Variants in PDE4B observed in about 807,000 individuals in gnomAD.
PDE4B encodes phosphodiesterase 4B.
In PDE4B, 20 loss-of-function variants were observed where a neutral mutation model predicts 82.2. That is an observed-to-expected ratio of 0.24 (90% confidence interval 0.17 to 0.35). The LOEUF (loss-of-function observed/expected upper bound fraction) is 0.35. PDE4B is among the 10% of genes least tolerant of loss of function. The probability of loss-of-function intolerance (pLI) is 1.00; values close to 1 mark genes in which losing one functional copy is unlikely to be tolerated. For synonymous variants in PDE4B, 320 were observed against 318.9 expected, an observed-to-expected ratio of 1.00 and a Z score of -0.04; for missense variants, 655 against 907.2, an observed-to-expected ratio of 0.72 and a Z score of 3.57.
intron 7 of PDE4B, among the ~76,000 whole-genome samples, chr1:66,291,271 A>G (rs1314344444): frequency 6.6e-6 from 1 of 152,122 alleles, no homozygotes; most frequent in African/African-American, 2.4e-5. Flanking sequence ...TAGGGAGGTT[A>G]AATAATTTTT....
chr1:66,166,757 AG>A (rs1363652511), intron 3 of PDE4B, among the ~76,000 whole-genome samples: 4 of 151,948 alleles, frequency 2.6e-5, no homozygotes, highest in Non-Finnish European at 4.4e-5. Flanking sequence ...AAAAAGTGAA[AG>A]GACAACCCAC....
intron 1 of PDE4B, among the ~76,000 whole-genome samples, chr1:65,904,766 A>G (rs948976351): frequency 6.6e-6 from 1 of 152,078 alleles, no homozygotes; most frequent in Admixed American, 6.6e-5. Flanking sequence ...TTCCTAGATT[A>G]GTGAGCTTAG....
intron 3 of PDE4B, among the ~76,000 whole-genome samples, chr1:66,225,047 C>T (rs145500949): frequency 1.5e-4 from 23 of 152,312 alleles, no homozygotes; most frequent in African/African-American, 3.6e-4. Context: ...GTACTCTGGA[C>T]ACCACTTCAC....
chr1:66,258,077 A>T (rs1007911505), intron 6 of PDE4B, among the ~76,000 whole-genome samples: 4 of 152,214 alleles, frequency 2.6e-5, no homozygotes, highest in Non-Finnish European at 5.9e-5. Flanking sequence ...TCGTCTTTGT[A>T]CCCATAAGAC....
chr1:66,328,998 G>A (rs1659923756), intron 7 of PDE4B, among the ~76,000 whole-genome samples: 1 of 152,180 alleles, frequency 6.6e-6, no homozygotes, highest in South Asian at 2.1e-4. Flanking sequence ...AGGGGCTTGG[G>A]GACCATGAGA....
intron 7 of PDE4B, among the ~76,000 whole-genome samples, chr1:66,328,414 C>T (rs1046356506): frequency 1.3e-5 from 2 of 152,190 alleles, no homozygotes; most frequent in African/African-American, 4.8e-5. Flanking sequence ...CTTTTCAGGG[C>T]CATCTTATGT....
intron 3 of PDE4B, among the ~76,000 whole-genome samples, chr1:65,962,784 G>T (rs944900107): frequency 6.6e-6 from 1 of 152,140 alleles, no homozygotes; most frequent in African/African-American, 2.4e-5. Context: ...TCCTGTCCTA[G>T]ATCCCAGAGA....
intron 3 of PDE4B, among the ~76,000 whole-genome samples, chr1:66,014,388 C>T (rs1331208160): frequency 3.3e-5 from 5 of 152,030 alleles, no homozygotes; most frequent in African/African-American, 9.7e-5. Flanking sequence ...TGAACCTTTT[C>T]CCCTATGTTT....
At chr1:65,856,608 C>T (rs1356277579) in intron 1 of PDE4B, among the ~76,000 whole-genome samples, 1 of 152,112 alleles carries the variant, frequency 6.6e-6, no homozygotes, top group African/African-American at 2.4e-5. Flanking sequence ...GGTTGCAAGT[C>T]TTTGCTATTG....
rs572091507 is a variant in PDE4B, at chr1:66,309,487, T to C, written c.635-23021T>C. ...CTTTCCAAATTGTAAGACAAGAATA[T>C]GGTATGATTCTTACTTGCGGTAAAT... is the stretch of plus-strand genomic sequence containing the variant. On this transcript the variant is annotated intron_variant, in intron 7 of 16. Transcript: ENST00000341517. Among the ~76,000 whole-genome samples the C allele has an allele frequency of 2.4e-4, 36 of 152,350 alleles. No individual in the cohort carries two copies. In the South Asian group the frequency reaches 7.2e-3, roughly 31 times the overall value.
chr1:66,234,803 A>AT (rs1482701133), intron 3 of PDE4B, among the ~76,000 whole-genome samples: 3 of 149,256 alleles, frequency 2.0e-5, no homozygotes, highest in African/African-American at 7.4e-5. Flanking sequence ...CTCTATCTTT[A>AT]TTTTTTCCCT....
chr1:65,797,322 G>T (rs561679271), intron 1 of PDE4B, among the ~76,000 whole-genome samples: 4 of 152,168 alleles, frequency 2.6e-5, no homozygotes, highest in African/African-American at 9.6e-5. Flanking sequence ...CTTAATTGTT[G>T]GTGTCACTTG....
At chr1:65,886,296 T>G (rs1646775886) in intron 1 of PDE4B, among the ~76,000 whole-genome samples, 1 of 152,162 alleles carries the variant, frequency 6.6e-6, no homozygotes, top group South Asian at 2.1e-4. Flanking sequence ...ATGTGGTATT[T>G]TGTTATATGC....
At chr1:66,236,514 T>C (rs1057293999) in intron 3 of PDE4B, among the ~76,000 whole-genome samples, 3 of 152,168 alleles carry the variant, frequency 2.0e-5, no homozygotes, top group African/African-American at 7.2e-5. Flanking sequence ...CCTTTAACAT[T>C]TCTTGTACTT....
chr1:66,128,324 C>A lies in PDE4B; in HGVS notation c.282-119136C>A, dbSNP rs184586011. Among the ~76,000 whole-genome samples, 629 of 152,030 alleles carry A rather than the reference C, an allele frequency of 4.1e-3. 1 individual carries two copies. Among genetic ancestry groups the A allele is most frequent in the Non-Finnish European group, 6.9e-3 (470 of 67,980 alleles). Reference sequence around the variant, plus strand: ...GGAACACTTTATTTTATTTTTGTTCCCTGAAAATAATACTGTATTTGTGTA... The same window carrying A: ...GGAACACTTTATTTTATTTTTGTTCACTGAAAATAATACTGTATTTGTGTA... On this transcript the variant is annotated intron_variant, in intron 3 of 16. Transcript: ENST00000341517.
At position 66,170,454 on chromosome 1, in the gene PDE4B, C is replaced by A. The variant is rs74998974; in HGVS notation, c.282-77006C>A. ...TGTAAGAATAAATTATCTGTTTCCT[C>A]AGGTCAGGCTACCATCTGTGAATGA... On this transcript the variant is annotated intron_variant, in intron 3 of 16. Coordinates refer to ENST00000341517, the MANE Select transcript of PDE4B (RefSeq NM_002600.4). 1.0e-2 allele frequency among the ~76,000 whole-genome samples: 1,516 copies of A among 152,244 alleles called. 9 individuals are homozygous for A. The highest frequency in any genetic ancestry group is 0.031 in the Middle Eastern group (9 of 294).
At chr1:66,152,201 G>A (rs1646408794) in intron 3 of PDE4B, among the ~76,000 whole-genome samples, 1 of 152,096 alleles carries the variant, frequency 6.6e-6, no homozygotes, top group Non-Finnish European at 1.5e-5. Flanking sequence ...CATAATAACA[G>A]CACTGCTTGA....
At chr1:66,322,907 G>A (rs1230508112) in intron 7 of PDE4B, among the ~76,000 whole-genome samples, 1 of 152,038 alleles carries the variant, frequency 6.6e-6, no homozygotes, top group Non-Finnish European at 1.5e-5. Context: ...GGAAATTAAG[G>A]CTTAGAGAAA....
At chr1:66,269,374 G>T (rs1375514468) in intron 7 of PDE4B, among the ~76,000 whole-genome samples, 1 of 152,134 alleles carries the variant, frequency 6.6e-6, no homozygotes, top group East Asian at 1.9e-4. Context: ...GGAGAAAGAC[G>T]CAGTAAATCC....
Sources: allele counts gnomAD v4.1 joint callset (sites outside exome capture counted in the v4.1 genomes callset), GRCh38; gene constraint gnomAD v4.1.1; transcripts MANE v1.5; gene names NCBI Gene and HGNC (gene_info 2026-07-23, HGNC 2026-07-21).